PHB2: variants seen among roughly 807,000 people sequenced by gnomAD.
PHB2 encodes the protein prohibitin 2.
Under a neutral mutation model 46.4 loss-of-function variants are expected in PHB2, and 22 were observed. That is an observed-to-expected ratio of 0.47 (90% confidence interval 0.34 to 0.68). PHB2 has a LOEUF of 0.68. PHB2 is among the 30% of genes least tolerant of loss of function. The pLI, the probability that PHB2 is intolerant of heterozygous loss-of-function variation, is 0.01. For synonymous variants in PHB2, 156 were observed against 150.5 expected (o/e 1.04, Z -0.27); for missense variants, 305 against 382.8 (o/e 0.80, Z 1.70).
At position 6,965,660 on chromosome 12, in the gene PHB2, G is replaced by A. The variant is rs782650490; in HGVS notation, c.*25C>T. 1.2e-6 allele frequency: 2 copies of A among 1,605,886 alleles called. No homozygotes were observed. The highest frequency in any genetic ancestry group is 1.3e-5 in the African/African-American group (1 of 74,816). On this transcript the variant is annotated 3_prime_UTR_variant, in exon 10 of 10. Coordinates refer to ENST00000535923, the MANE Select transcript of PHB2 (RefSeq NM_001144831.2). Reference sequence around the variant, plus strand: ...TGGAGAAGCAGATCCACTTCCTCTGGGGGTGGAGTTCTTGGTGACTAGGCT... The same window carrying A: ...TGGAGAAGCAGATCCACTTCCTCTGAGGGTGGAGTTCTTGGTGACTAGGCT...
intron 1 of PHB2, 22 bp downstream of exon 1, chr12:6,970,395 C>T: frequency 6.2e-7 from 1 of 1,603,790 alleles, no homozygotes; most frequent in Non-Finnish European, 8.5e-7. Context: ...AAGCGTCCGG[C>T]GAGCAGGCGG....
chr12:6,969,595 A>G lies in PHB2; in HGVS notation c.213-18T>C. The G allele has an allele frequency of 3.4e-6, 5 of 1,473,360 alleles. No homozygotes were observed. Among genetic ancestry groups the G allele is most frequent in the Non-Finnish European group, 4.7e-6 (5 of 1,058,632 alleles). The allele number at this position is 1,473,360 out of a possible 1,614,324, so 91.3% of individuals were successfully genotyped here. A position where few individuals can be genotyped will look rare whatever the true frequency, so the allele number is the denominator to read the frequency against. ...AAGGGATCCTGGAGAGGACAGGGAT[A>G]GGTATTAAGAGGCCACAGTTTCGGC... is the stretch of plus-strand genomic sequence containing the variant. On this transcript the variant is annotated intron_variant, in intron 2 of 9. Coordinates refer to ENST00000535923, the MANE Select transcript of PHB2 (RefSeq NM_001144831.2).
In PHB2 at chr12:6,970,539, G is replaced by A; in HGVS notation, c.5C>T (p.Ala2Val). M[A>V]QNLKDLAGRL... ...TCCCGCCAAGTCCTTCAAGTTCTGG[G>A]CCATGTCTGATCTTGAGGCCGGCGG... The change falls in exon 1 of 10, where the codon GCC (alanine) becomes GTC (valine). Residue 2 changes from alanine to valine, a missense_variant. This residue lies in a region of PHB2 where 60 missense variants were observed against 61.0 expected (regional missense o/e 0.98). Transcript: ENST00000535923. 6.3e-7 allele frequency: 1 copy of A among 1,599,570 alleles called. No individual in the cohort carries two copies. Among genetic ancestry groups the A allele is most frequent in the African/African-American group, 1.3e-5 (1 of 74,796 alleles).
chr12:6,970,003 AT>A (rs782036952), intron 2 of PHB2, 192 bp downstream of exon 2: 2 of 702,724 alleles, frequency 2.8e-6, no homozygotes, highest in East Asian at 5.4e-5. Context: ...ACAAGGAGAG[AT>A]TCTCTTGTCC....
chr12:6,969,988 C>A (rs1555151705), intron 2 of PHB2: 2 of 700,898 alleles, frequency 2.9e-6, no homozygotes, highest in East Asian at 5.4e-5. Flanking sequence ...TCTCCACGAC[C>A]ACAGACAAGG....
At position 6,967,584 on chromosome 12, in the gene PHB2, T is replaced by G; in HGVS notation, c.711+92A>C. On this transcript the variant is annotated intron_variant, in intron 6 of 9. Transcript: ENST00000535923. This position sits in a 1 kb window ranked among gnomAD's most constrained non-coding sequence, Gnocchi z 4.9. ...AAGGGCCAGAGAGCACGGAGTCGCATTCGCCTTAGTCTCATCAGCCTGCCC... is the reference window on the plus strand; with the variant it reads ...AAGGGCCAGAGAGCACGGAGTCGCAGTCGCCTTAGTCTCATCAGCCTGCCC... 1 of 1,085,522 alleles carries G rather than the reference T, an allele frequency of 9.2e-7. No homozygotes were observed. Among genetic ancestry groups the G allele is most frequent in the Non-Finnish European group, 1.4e-6 (1 of 703,504 alleles). The allele number at this position is 1,085,522 out of a possible 1,614,324, so 67.2% of individuals were successfully genotyped here. A position where few individuals can be genotyped will look rare whatever the true frequency, so the allele number is the denominator to read the frequency against.
rs368677511 is a variant in PHB2 at position 6,967,040 on chromosome 12, C to T, written c.789+131G>A. On this transcript the variant is annotated intron_variant, in intron 7 of 9. Coordinates refer to ENST00000535923, the MANE Select transcript of PHB2 (RefSeq NM_001144831.2). This position sits in a 1 kb window ranked among gnomAD's most constrained non-coding sequence, Gnocchi z 4.9. ...CGGGGATTACATGCGTGAGCCACCG[C>T]GCCGGCCAGAGAAGCCAATCTGAGT... 25 of 779,812 alleles carry T rather than the reference C, an allele frequency of 3.2e-5. No homozygotes were observed. In the Admixed American group the frequency reaches 3.4e-4, roughly 11 times the overall value. The allele number at this position is 779,812 out of a possible 1,614,324, so 48.3% of individuals were successfully genotyped here.
chr12:6,969,944 G>A (rs1456576923), intron 2 of PHB2: 1 of 690,620 alleles, frequency 1.4e-6, no homozygotes, highest in South Asian at 1.5e-5. Flanking sequence ...GCCTTGCCCG[G>A]TTTCCCCTCA....
chr12:6,970,195 C>A lies in PHB2; in HGVS notation c.212+1G>T. On this transcript the variant is annotated splice_donor_variant, in intron 2 of 9. Transcript: ENST00000535923. LOFTEE classifies it high-confidence loss of function. Reference sequence around the variant, plus strand: ...GGTCAGCAGGCTCTGCCCGCCATTACCTGAAGTGAAGGCCCTCGGCCAGGA... The same window carrying A: ...GGTCAGCAGGCTCTGCCCGCCATTAACTGAAGTGAAGGCCCTCGGCCAGGA... 1 of 1,611,950 alleles carries A rather than the reference C, an allele frequency of 6.2e-7. No homozygotes were observed. Among genetic ancestry groups the A allele is most frequent in the Non-Finnish European group, 8.5e-7 (1 of 1,178,294 alleles).
In PHB2 at chr12:6,967,470, G is replaced by T; in HGVS notation, c.711+206C>A. On this transcript the variant is annotated intron_variant, in intron 6 of 9. Coordinates refer to ENST00000535923, the MANE Select transcript of PHB2 (RefSeq NM_001144831.2). This position sits in a 1 kb window ranked among gnomAD's most constrained non-coding sequence, Gnocchi z 4.9. Reference sequence around the variant, plus strand: ...TGAAGGCAAGGCCACCAATGCTATTGATCTGGCCTTACAGTGGGGAGTCAT... The same window carrying T: ...TGAAGGCAAGGCCACCAATGCTATTTATCTGGCCTTACAGTGGGGAGTCAT... The T allele has an allele frequency of 1.9e-6, 2 of 1,038,086 alleles. No homozygotes were observed. The highest frequency in any genetic ancestry group is 3.0e-6 in the Non-Finnish European group (2 of 666,600). The allele number at this position is 1,038,086 out of a possible 1,614,324, so 64.3% of individuals were successfully genotyped here. A position where few individuals can be genotyped will look rare whatever the true frequency, so the allele number is the denominator to read the frequency against.
At chr12:6,970,127 G>T in intron 2 of PHB2, 69 bp downstream of exon 2, 2 of 1,148,756 alleles carry the variant, frequency 1.7e-6, no homozygotes, top group Non-Finnish European at 2.6e-6. Context: ...TTGCACGTCC[G>T]ACTATAGCCA....
At position 6,967,321 on chromosome 12, in the gene PHB2, C is replaced by T. The variant is rs782363015; in HGVS notation, c.712-73G>A. The T allele has an allele frequency of 1.9e-6, 3 of 1,611,454 alleles. No individual in the cohort carries two copies. The African/African-American group carries it at 4.0e-5, about 21-fold the overall frequency. Reference sequence around the variant, plus strand: ...CTGTCCTTACCACACTCCCTTGCTCCAGTCCTCCTCTGGGCTGTCAGATCC... The same window carrying T: ...CTGTCCTTACCACACTCCCTTGCTCTAGTCCTCCTCTGGGCTGTCAGATCC... On this transcript the variant is annotated intron_variant, in intron 6 of 9. Coordinates refer to ENST00000535923, the MANE Select transcript of PHB2 (RefSeq NM_001144831.2). The surrounding 1 kb of genome is among the most constrained non-coding windows in gnomAD (Gnocchi z 4.9).
intron 7 of PHB2, 33 bp from the exon 8 acceptor site, chr12:6,966,533 T>A (rs782577765): frequency 7.2e-7 from 1 of 1,385,028 alleles, no homozygotes; most frequent in Non-Finnish European, 1.0e-6. Flanking sequence ...GATGCTTGCA[T>A]TAAGCAAAGA....
At position 6,966,458 on chromosome 12, in the gene PHB2, G is replaced by A. The variant is rs367773747; in HGVS notation, c.832C>T (p.Leu278Phe). ...CTTTCATCCTGTAGGTTCAGCACAA[G>A]GTTGTCAGCTGTGAGATAGATACGA... ...QNRIYLTADN[L>F]VLNLQDESFT... is the part of the protein sequence containing the mutation. The change falls in exon 8 of 10, where the codon CTT (leucine) becomes TTT (phenylalanine). Residue 278 changes from leucine to phenylalanine, a missense_variant. Leu to Phe is a conservative substitution (Grantham distance 22). Around this residue, in one of 3 missense-constraint regions of PHB2, gnomAD observed 241 missense variants for 302.7 expected, o/e 0.80. Coordinates refer to ENST00000535923, the MANE Select transcript of PHB2 (RefSeq NM_001144831.2). 6.2e-7 allele frequency: 1 copy of A among 1,610,936 alleles called. No individual in the cohort carries two copies. Among genetic ancestry groups the A allele is most frequent in the Non-Finnish European group, 8.5e-7 (1 of 1,177,228 alleles).
Position 6,966,506 on chromosome 12 carries a change from G to A in PHB2, c.790-6C>T. On this transcript the variant is annotated splice_region_variant and splice_polypyrimidine_tract_variant and intron_variant, in intron 7 of 9. Coordinates refer to ENST00000535923, the MANE Select transcript of PHB2 (RefSeq NM_001144831.2). ...CGATTCTGTGATGTGGCGATCTACA[G>A]GGCAGGAAATAAGACAGATGCTTGC... The A allele has an allele frequency of 1.9e-6, 3 of 1,590,908 alleles. No homozygotes were observed. The highest frequency in any genetic ancestry group is 1.7e-4 in the Middle Eastern group (1 of 6,028).
chr12:6,965,837 G>C lies in PHB2; in HGVS notation c.872+74C>G, dbSNP rs1336105790. 9.5e-6 allele frequency: 15 copies of C among 1,586,536 alleles called. No homozygotes were observed. The South Asian group carries it at 1.3e-4, about 14-fold the overall frequency. ...TGAGGGTTTGTCTTCGGGGAGGTGGGAAAGGGGGTAGGGTAGGAGGCGGGT... is the reference window on the plus strand; with the variant it reads ...TGAGGGTTTGTCTTCGGGGAGGTGGCAAAGGGGGTAGGGTAGGAGGCGGGT... On this transcript the variant is annotated intron_variant, in intron 9 of 9. Transcript: ENST00000535923.
Position 6,967,857 on chromosome 12 carries a change from T to C in PHB2, c.607+35A>G. 1 of 1,611,328 alleles carries C rather than the reference T, an allele frequency of 6.2e-7. No individual in the cohort carries two copies. Among genetic ancestry groups the C allele is most frequent in the Non-Finnish European group, 8.5e-7 (1 of 1,178,074 alleles). On this transcript the variant is annotated intron_variant, in intron 5 of 9. Transcript: ENST00000535923. The surrounding 1 kb of genome is among the most constrained non-coding windows in gnomAD (Gnocchi z 4.9). ...ATGGAGTCTTTCCTCCTCCTGCATC[T>C]CAGAAGCCCTCACCCCACGGCTCTT...
At chr12:6,966,292 C>G (rs782523590) in intron 8 of PHB2, 132 bp downstream of exon 8, 27 of 674,084 alleles carry the variant, frequency 4.0e-5, no homozygotes, top group Non-Finnish European at 7.3e-5. Flanking sequence ...AAACTGTCAA[C>G]CACCCCCTTT....
intron 7 of PHB2, 34 bp from the exon 8 acceptor site, chr12:6,966,534 T>G (rs1555150813): frequency 7.2e-7 from 1 of 1,379,420 alleles, no homozygotes; most frequent in South Asian, 1.2e-5. Context: ...ATGCTTGCAT[T>G]AAGCAAAGAC....
Sources: gnomAD v4.1 joint callset for allele counts on GRCh38, gnomAD v4.1.1 for gene constraint, gnomAD v4.1.1 regional missense constraint, Gnocchi (gnomAD v3.1) non-coding constraint, MANE v1.5 for transcripts, NCBI Gene and HGNC (gene_info 2026-07-23, HGNC 2026-07-21) for gene names.